CELF2: variants seen among roughly 807,000 people sequenced by gnomAD.
CELF2 encodes CUGBP Elav-like family member 2.
CELF2 carries 8 observed loss-of-function variants against 62.6 expected under a neutral mutation model. That is an observed-to-expected ratio of 0.13 (90% CI 0.07 to 0.23). The LOEUF (loss-of-function observed/expected upper bound fraction) is 0.23, where lower values mean the gene tolerates loss of function less well. Ranked by LOEUF, CELF2 falls within the 10% of genes least tolerant of loss-of-function variation. The pLI, the probability that CELF2 is intolerant of heterozygous loss-of-function variation, is 1.00. For missense variants in CELF2, 333 were observed against 671.0 expected (o/e 0.50, Z 5.56); for synonymous variants, 258 against 250.0 (o/e 1.03, Z -0.30).
rs1408662143 is a variant in CELF2, at chr10:11,330,214, C to CA, written c.*1161_*1162insA. 2.0e-4 allele frequency: 30 copies of CA among 152,754 alleles called. No homozygotes were observed. The highest frequency in any genetic ancestry group is 7.0e-4 in the African/African-American group (29 of 41,566). 9.5% of individuals were successfully genotyped at this position (152,754 alleles called of 1,614,324 possible). ...ACATTTGTTGAAACTGGACCTTCTCCCCCTGTCCCTCACCCCAAAACACCC... is the reference window on the plus strand; with the variant it reads ...ACATTTGTTGAAACTGGACCTTCTCCACCCTGTCCCTCACCCCAAAACACCC... On this transcript the variant is annotated 3_prime_UTR_variant, in exon 13 of 13. Transcript: ENST00000633077. This position sits in a 1 kb window ranked among gnomAD's most constrained non-coding sequence, Gnocchi z 4.5.
intron 3 of CELF2, among the ~76,000 whole-genome samples, chr10:11,219,591 C>T (rs566645294): frequency 9.9e-5 from 15 of 152,172 alleles, no homozygotes; most frequent in Non-Finnish European, 1.8e-4. Context: ...CCAGTGCACA[C>T]ACTTGCTACA....
At chr10:10,841,476 A>G (rs1032793310) in intron 1 of CELF2, among the ~76,000 whole-genome samples, 1 of 151,360 alleles carries the variant, frequency 6.6e-6, no homozygotes, top group Non-Finnish European at 1.5e-5. Flanking sequence ...TTTTATATAG[A>G]TGGATATCCA....
intron 3 of CELF2, among the ~76,000 whole-genome samples, chr10:11,226,011 G>C (rs7095789): frequency 0.99 from 150,184 of 152,302 alleles, 74,093 homozygotes; most frequent in East Asian, 1. Flanking sequence ...TTCTAGGACT[G>C]CCCAGTTGGG....
At chr10:10,525,626 C>T in the CELF2 span, among the ~76,000 whole-genome samples, 1 of 152,154 alleles carries the variant, frequency 6.6e-6, no homozygotes, top group Non-Finnish European at 1.5e-5. Flanking sequence ...TTTTAATGTC[C>T]TCCAAGTTCA....
chr10:10,607,090 T>C, the CELF2 span, among the ~76,000 whole-genome samples: 1 of 152,250 alleles, frequency 6.6e-6, no homozygotes, highest in Non-Finnish European at 1.5e-5. Context: ...AGCTATTTAA[T>C]GCTAATAGCT....
intron 2 of CELF2, among the ~76,000 whole-genome samples, chr10:10,932,728 CAT>C (rs1019069717): frequency 8.6e-5 from 13 of 151,562 alleles, no homozygotes; most frequent in African/African-American, 3.2e-4. Context: ...CATTAAGTAA[CAT>C]ATACCTGGAC....
At chr10:10,769,985 T>C in the CELF2 span, among the ~76,000 whole-genome samples, 1 of 151,964 alleles carries the variant, frequency 6.6e-6, no homozygotes, top group East Asian at 1.9e-4. Flanking sequence ...ACAAGTTACA[T>C]GGTGATGGGG....
the CELF2 span, among the ~76,000 whole-genome samples, chr10:10,580,214 G>A: frequency 6.6e-6 from 1 of 152,086 alleles, no homozygotes; most frequent in African/African-American, 2.4e-5. Context: ...GATTAATTAA[G>A]GTGGGGGCAA....
rs560378777 is a variant in CELF2 at position 10,975,900 on chromosome 10, G to A, written c.89+55901G>A. On this transcript the variant is annotated intron_variant, in intron 2 of 13. Transcript: ENST00000636488. ...ACACACTAAGTCCTACTTGGCAATG[G>A]TATTTATACTCCTATAAACCCACTT... Among the ~76,000 whole-genome samples the A allele has an allele frequency of 3.9e-5, 6 of 152,306 alleles. No homozygotes were observed. In the East Asian group the frequency reaches 5.8e-4, roughly 15 times the overall value.
At chr10:11,028,814 G>T (rs1231270832) in intron 1 of CELF2, among the ~76,000 whole-genome samples, 1 of 151,416 alleles carries the variant, frequency 6.6e-6, no homozygotes, top group Non-Finnish European at 1.5e-5. Context: ...CCACCTCCTG[G>T]GTTCAAGTGA....
the CELF2 span, among the ~76,000 whole-genome samples, chr10:10,508,479 G>C: frequency 6.6e-6 from 1 of 152,184 alleles, no homozygotes; most frequent in Non-Finnish European, 1.5e-5. Context: ...GCATGCTCTT[G>C]AATGGCCCAA....
chr10:10,759,703 G>A, the CELF2 span, among the ~76,000 whole-genome samples: 2 of 151,992 alleles, frequency 1.3e-5, no homozygotes, highest in East Asian at 1.9e-4. Context: ...AATCACCATT[G>A]TCATGGTGAT....
chr10:11,045,723 CCA>C (rs1208172506), intron 1 of CELF2, among the ~76,000 whole-genome samples: 1 of 152,134 alleles, frequency 6.6e-6, no homozygotes, highest in Non-Finnish European at 1.5e-5. Context: ...GCTTCTTTCC[CCA>C]GAGCTGTACA....
intron 1 of CELF2, among the ~76,000 whole-genome samples, chr10:10,911,188 T>A (rs2063780839): frequency 6.6e-6 from 1 of 152,152 alleles, no homozygotes; most frequent in South Asian, 2.1e-4. Context: ...GGGACACCAG[T>A]GCCATTTGCA....
rs185896532 is a variant in CELF2 at position 10,911,650 on chromosome 10, T to A, written c.54-8314T>A. Reference sequence around the variant, plus strand: ...TCTCCGCAAGCCTGGGCCTGGGGCCTGTCCGGACCTCCGTCCAGGCAGCGA... The same window carrying A: ...TCTCCGCAAGCCTGGGCCTGGGGCCAGTCCGGACCTCCGTCCAGGCAGCGA... On this transcript the variant is annotated intron_variant, in intron 1 of 13. Transcript: ENST00000636488. Among the ~76,000 whole-genome samples, 15 of 152,372 alleles carry A rather than the reference T, an allele frequency of 9.8e-5. No individual in the cohort carries two copies. The East Asian group carries it at 2.9e-3, about 29-fold the overall frequency.
chr10:10,791,172 A>G, the CELF2 span, among the ~76,000 whole-genome samples: 365 of 152,318 alleles, frequency 2.4e-3, 1 homozygote, highest in Non-Finnish European at 4.1e-3. Flanking sequence ...ATCTAAAAAA[A>G]TGTTGATGTA....
rs966613141 is a variant in CELF2 at position 11,008,881 on chromosome 10, G to C, written c.53+3441G>C. Among the ~76,000 whole-genome samples, 1 of 151,462 alleles carries C rather than the reference G, an allele frequency of 6.6e-6. No homozygotes were observed. The highest frequency in any genetic ancestry group is 1.5e-5 in the Non-Finnish European group (1 of 67,970). ...GTGGCATCATCTTCTTTGTGGCATTGATCTGTACTTTCTGGAACAGTAATG... is the reference window on the plus strand; with the variant it reads ...GTGGCATCATCTTCTTTGTGGCATTCATCTGTACTTTCTGGAACAGTAATG... On this transcript the variant is annotated intron_variant, in intron 1 of 12. Transcript: ENST00000416382. The surrounding 1 kb of genome is among the most constrained non-coding windows in gnomAD (Gnocchi z 4.5).
chr10:10,798,642 C>T, exon 1 of CELF2: 1 of 397,726 alleles, frequency 2.5e-6, no homozygotes, highest in Non-Finnish European at 4.4e-6. Context: ...TGCGTGTCAG[C>T]CCGGGAAGGA....
At chr10:10,727,211 G>T in the CELF2 span, among the ~76,000 whole-genome samples, 1 of 152,172 alleles carries the variant, frequency 6.6e-6, no homozygotes, top group Admixed American at 6.5e-5. Flanking sequence ...AAATGCTGTT[G>T]ATTTCCCACC....
Sources: allele counts gnomAD v4.1 joint callset (sites outside exome capture counted in the v4.1 genomes callset), GRCh38; gene constraint gnomAD v4.1.1; non-coding constraint Gnocchi (gnomAD v3.1); transcripts MANE v1.5; gene names NCBI Gene and HGNC (gene_info 2026-07-23, HGNC 2026-07-21).